Variants in ABCD3 observed in about 807,000 individuals in gnomAD.
ABCD3 encodes ATP-binding cassette sub-family D member 3.
In ABCD3, 41 loss-of-function variants were observed where a neutral mutation model predicts 105.5. That is an observed-to-expected ratio of 0.39 (90% CI 0.30 to 0.50). The LOEUF (loss-of-function observed/expected upper bound fraction) is 0.50, where lower values mean the gene tolerates loss of function less well. Ranked by LOEUF, ABCD3 falls within the 20% of genes least tolerant of loss-of-function variation. The pLI, the probability that ABCD3 is intolerant of heterozygous loss-of-function variation, is 0.84. For missense variants in ABCD3, 622 were observed against 806.3 expected (o/e 0.77, Z 2.77); for synonymous variants, 258 against 269.0 (o/e 0.96, Z 0.40).
the ABCD3 span, among the ~76,000 whole-genome samples, chr1:94,410,835 G>A: frequency 6.6e-6 from 1 of 152,194 alleles, no homozygotes; most frequent in East Asian, 1.9e-4. Context: ...AAGTGGAAAA[G>A]CCTGAGAAGA....
intron 1 of ABCD3, among the ~76,000 whole-genome samples, chr1:94,458,119 A>T (rs1352883198): frequency 5.3e-5 from 8 of 152,166 alleles, no homozygotes; most frequent in African/African-American, 1.9e-4. Flanking sequence ...CACTTTCCTC[A>T]TTTGTAATAT....
intron 1 of ABCD3, among the ~76,000 whole-genome samples, chr1:94,434,195 TA>T (rs1174773752): frequency 1.3e-5 from 2 of 152,040 alleles, no homozygotes; most frequent in African/African-American, 4.8e-5. Flanking sequence ...TTTTTTAGTT[TA>T]AAAAAAATCA....
At chr1:94,428,831 C>T (rs1242433415) in intron 1 of ABCD3, among the ~76,000 whole-genome samples, 2 of 151,886 alleles carry the variant, frequency 1.3e-5, no homozygotes, top group East Asian at 3.9e-4. Context: ...ACTAATACAG[C>T]AAATTAGTAC....
chr1:94,444,331 CAAAAAAA>C (rs35583952), intron 1 of ABCD3, among the ~76,000 whole-genome samples: 3 of 93,436 alleles, frequency 3.2e-5, no homozygotes, highest in Admixed American at 1.2e-4. Context: ...GACTCCATCT[CAAAAAAA>C]AAAAAAAAAA....
chr1:94,458,560 A>G, intron 1 of ABCD3, 47 bp from the exon 2 acceptor site: 2 of 1,540,776 alleles, frequency 1.3e-6, no homozygotes, highest in Non-Finnish European at 1.8e-6. Context: ...TAATGATAAC[A>G]CTTTTCACAT....
intron 10 of ABCD3, among the ~76,000 whole-genome samples, chr1:94,486,123 C>T (rs190365736): frequency 2.5e-4 from 38 of 152,058 alleles, no homozygotes; most frequent in Non-Finnish European, 4.1e-4. Context: ...ACCCAGGAGG[C>T]GGAGGTTGCA....
At chr1:94,492,766 A>G (rs1649595171) in intron 16 of ABCD3, among the ~76,000 whole-genome samples, 1 of 152,144 alleles carries the variant, frequency 6.6e-6, no homozygotes. Flanking sequence ...AAAATATACC[A>G]ATAATATAGG....
intron 20 of ABCD3, among the ~76,000 whole-genome samples, chr1:94,500,606 A>T (rs937498424): frequency 1.3e-5 from 2 of 152,206 alleles, no homozygotes; most frequent in African/African-American, 2.4e-5. Context: ...GATTAGAGAA[A>T]ACTGTAGCTA....
At chr1:94,414,246 T>A (rs1156578400), upstream of ABCD3, among the ~76,000 whole-genome samples, 1 of 152,192 alleles carries the variant, frequency 6.6e-6, no homozygotes, top group Non-Finnish European at 1.5e-5. Context: ...CCTTTCCTGA[T>A]GAGCATGTAC....
the ABCD3 span, among the ~76,000 whole-genome samples, chr1:94,393,674 T>C: frequency 6.6e-6 from 1 of 151,642 alleles, no homozygotes; most frequent in Non-Finnish European, 1.5e-5. Flanking sequence ...GAAAGAAGAT[T>C]GCGACTGAAG....
intron 8 of ABCD3, chr1:94,478,729 T>C (rs145735969): frequency 1.1e-6 from 1 of 876,604 alleles, no homozygotes; most frequent in African/African-American, 1.7e-5. Flanking sequence ...ATGAATATAC[T>C]TGTACTTATT....
At chr1:94,443,848 C>G (rs1195096399) in intron 1 of ABCD3, among the ~76,000 whole-genome samples, 1 of 152,078 alleles carries the variant, frequency 6.6e-6, no homozygotes, top group African/African-American at 2.4e-5. Context: ...TTAGAATTCA[C>G]ATGTTGGGAT....
At chr1:94,403,102 T>C in the ABCD3 span, among the ~76,000 whole-genome samples, 1 of 152,024 alleles carries the variant, frequency 6.6e-6, no homozygotes. Context: ...TGATTTCCAA[T>C]TTCATCCATG....
At chr1:94,443,175 G>T (rs1366793481) in intron 1 of ABCD3, among the ~76,000 whole-genome samples, 1 of 152,082 alleles carries the variant, frequency 6.6e-6, no homozygotes, top group Non-Finnish European at 1.5e-5. Context: ...GTATAGGATG[G>T]TAATCTCCTT....
At chr1:94,458,760 A>G (rs1300074315) in intron 2 of ABCD3, 117 bp downstream of exon 2, 1 of 961,192 alleles carries the variant, frequency 1.0e-6, no homozygotes, top group South Asian at 1.5e-5. Context: ...AAAATACTCC[A>G]GTCTTCTACA....
chr1:94,394,979 G>C, the ABCD3 span, among the ~76,000 whole-genome samples: 1 of 152,178 alleles, frequency 6.6e-6, no homozygotes, highest in Non-Finnish European at 1.5e-5. Context: ...CCAATGCCCT[G>C]TGTCTGGCAT....
At position 94,517,210 on chromosome 1, in the gene ABCD3, G is replaced by T; in HGVS notation, c.*81G>T. On this transcript the variant is annotated 3_prime_UTR_variant, in exon 23 of 23. Coordinates refer to ENST00000370214, the MANE Select transcript of ABCD3 (RefSeq NM_002858.4). ...AAGGCAAAGTACATTGTAAAATAAA[G>T]TTGAGCTTAGTTTTTTTTAAAAAAA... 9.6e-7 allele frequency: 1 copy of T among 1,042,170 alleles called. No homozygotes were observed. Among genetic ancestry groups the T allele is most frequent in the Non-Finnish European group, 1.5e-6 (1 of 678,996 alleles). 64.6% of individuals were successfully genotyped at this position (1,042,170 alleles called of 1,614,324 possible).
intron 20 of ABCD3, among the ~76,000 whole-genome samples, chr1:94,503,052 T>C (rs551110153): frequency 2.6e-5 from 4 of 152,256 alleles, no homozygotes; most frequent in African/African-American, 9.6e-5. Flanking sequence ...TTTTTTTGTG[T>C]GTGTAATTTT....
intron 1 of ABCD3, among the ~76,000 whole-genome samples, chr1:94,454,373 A>T (rs1454418851): frequency 6.6e-6 from 1 of 152,206 alleles, no homozygotes; most frequent in Non-Finnish European, 1.5e-5. Context: ...GCTTATGTTC[A>T]GTATGGAATA....
Sources: allele counts gnomAD v4.1 joint callset (sites outside exome capture counted in the v4.1 genomes callset), GRCh38; gene constraint gnomAD v4.1.1; transcripts MANE v1.5; gene names NCBI Gene and HGNC (gene_info 2026-07-23, HGNC 2026-07-21).